PHTF2: variants seen among roughly 807,000 people sequenced by gnomAD.
PHTF2 encodes putative homeodomain transcription factor 2.
In PHTF2, 60 loss-of-function variants were observed where a neutral mutation model predicts 101.2. The ratio of observed to expected loss-of-function variants is 0.59; its 90% CI spans 0.48 to 0.73. The LOEUF is 0.73. Ranked by LOEUF, PHTF2 falls within the 30% of genes least tolerant of loss-of-function variation. PHTF2 has a pLI of 0.00. For missense variants in PHTF2, 747 were observed against 908.7 expected, an observed-to-expected ratio of 0.82 and a Z score of 2.29; for synonymous variants, 311 against 307.3, an observed-to-expected ratio of 1.01 and a Z score of -0.13.
chr7:77,947,005 A>G (rs141801728), intron 16 of PHTF2, among the ~76,000 whole-genome samples: 1 of 151,286 alleles, frequency 6.6e-6, no homozygotes, highest in East Asian at 2.0e-4. Context: ...CTGTGATCCC[A>G]GCTACTTGGG....
intron 11 of PHTF2, among the ~76,000 whole-genome samples, chr7:77,925,729 G>A (rs554504504): frequency 6.6e-6 from 1 of 152,010 alleles, no homozygotes; most frequent in South Asian, 2.1e-4. Flanking sequence ...TTATAGGCGT[G>A]AGCCACCACT....
intron 1 of PHTF2, among the ~76,000 whole-genome samples, chr7:77,812,734 C>T (rs1445122665): frequency 5.9e-5 from 9 of 151,984 alleles, no homozygotes; most frequent in Non-Finnish European, 1.0e-4. Context: ...GGACTACAGG[C>T]GCACGCCACC....
At chr7:77,893,149 G>A (rs1312414772) in intron 3 of PHTF2, among the ~76,000 whole-genome samples, 1 of 152,068 alleles carries the variant, frequency 6.6e-6, no homozygotes, top group Non-Finnish European at 1.5e-5. Context: ...TTGTTATATA[G>A]GTAAACTCAT....
At chr7:77,808,686 C>G (rs139692060) in intron 1 of PHTF2, among the ~76,000 whole-genome samples, 143 of 152,290 alleles carry the variant, frequency 9.4e-4, no homozygotes, top group Non-Finnish European at 1.7e-3. Context: ...ATACTTTGCT[C>G]TAGTAATTCT....
At chr7:77,920,034 G>C (rs1178107655) in intron 9 of PHTF2, among the ~76,000 whole-genome samples, 1 of 152,120 alleles carries the variant, frequency 6.6e-6, no homozygotes, top group African/African-American at 2.4e-5. Flanking sequence ...TTTTTGATAA[G>C]TTAGGGCATG....
intron 1 of PHTF2, among the ~76,000 whole-genome samples, chr7:77,837,941 G>A (rs185647899): frequency 1.4e-4 from 21 of 152,178 alleles, no homozygotes; most frequent in Admixed American, 1.2e-3. Flanking sequence ...TTAGGAAAGA[G>A]GATCTTTATT....
At chr7:77,916,733 C>T (rs1022341004) in intron 9 of PHTF2, among the ~76,000 whole-genome samples, 6 of 152,106 alleles carry the variant, frequency 3.9e-5, no homozygotes, top group African/African-American at 1.4e-4. Flanking sequence ...CATGCATATC[C>T]TCTCATTTAC....
chr7:77,863,914 C>G (rs1383644350), intron 3 of PHTF2, among the ~76,000 whole-genome samples: 1 of 151,662 alleles, frequency 6.6e-6, no homozygotes, highest in Non-Finnish European at 1.5e-5. Flanking sequence ...TAGCTGGGGA[C>G]TACAGGAGTG....
chr7:77,811,722 G>T (rs963668598), intron 1 of PHTF2, among the ~76,000 whole-genome samples: 58 of 151,994 alleles, frequency 3.8e-4, no homozygotes, highest in African/African-American at 1.3e-3. Flanking sequence ...TACTATCTCT[G>T]TGCCAGCCCT....
chr7:77,848,390 G>C (rs1284521623), intron 2 of PHTF2, among the ~76,000 whole-genome samples: 1 of 152,126 alleles, frequency 6.6e-6, no homozygotes, highest in Non-Finnish European at 1.5e-5. Context: ...GTCTTCTGGA[G>C]AAAAGCCATT....
rs117976520 is a variant in PHTF2, at chr7:77,930,346, C to G, written c.1338+1019C>G. Reference sequence around the variant, plus strand: ...TTATAGGATATCTTTATTTGAATGTCCCACCAATACCTCAAATTTAACCAG... The same window carrying G: ...TTATAGGATATCTTTATTTGAATGTGCCACCAATACCTCAAATTTAACCAG... On this transcript the variant is annotated intron_variant, in intron 12 of 19. Transcript: ENST00000416283. Among the ~76,000 whole-genome samples the G allele has an allele frequency of 1.4e-4, 22 of 152,228 alleles. No individual in the cohort carries two copies. The East Asian group carries it at 4.2e-3, about 29-fold the overall frequency.
intron 3 of PHTF2, among the ~76,000 whole-genome samples, chr7:77,892,630 A>G (rs2960455): frequency 0.26 from 38,934 of 152,116 alleles, 5,128 homozygotes; most frequent in South Asian, 0.29. Flanking sequence ...TCACAGTTAT[A>G]TGGTGTTGAC....
Position 77,940,648 on chromosome 7 carries a change from TC to T in PHTF2, c.1863del (p.Tyr622IlefsTer13). 1 of 1,603,630 alleles carries T rather than the reference TC, an allele frequency of 6.2e-7. No individual in the cohort carries two copies. The highest frequency in any genetic ancestry group is 8.5e-7 in the Non-Finnish European group (1 of 1,173,222). ...TATAAAAATGTGGCTATCTCTCCGTTCCTATCTTAAGGTAGAATGGGAGTGA... is the reference window on the plus strand; with the variant it reads ...TATAAAAATGTGGCTATCTCTCCGTTCTATCTTAAGGTAGAATGGGAGTGA... On this transcript the variant is annotated frameshift_variant, in exon 15 of 20. Transcript: ENST00000416283. LOFTEE classifies it high-confidence loss of function.
At chr7:77,822,841 T>A (rs1453704745) in intron 1 of PHTF2, among the ~76,000 whole-genome samples, 1 of 152,056 alleles carries the variant, frequency 6.6e-6, no homozygotes, top group African/African-American at 2.4e-5. Context: ...GGGGGATGAG[T>A]GCTGGGTGTC....
chr7:77,914,458 A>C (rs966113613), intron 9 of PHTF2, among the ~76,000 whole-genome samples: 3 of 152,204 alleles, frequency 2.0e-5, no homozygotes, highest in Admixed American at 1.3e-4. Flanking sequence ...GAGAGCGGCA[A>C]CCTTATGATG....
rs181201314 is a variant in PHTF2 at position 77,889,205 on chromosome 7, A to G, written c.148-4403A>G. 1.8e-3 allele frequency among the ~76,000 whole-genome samples: 277 copies of G among 152,224 alleles called. 4 individuals carry two copies. Among genetic ancestry groups the G allele is most frequent in the East Asian group, 2.9e-3 (15 of 5,168 alleles). On this transcript the variant is annotated intron_variant, in intron 3 of 19. Coordinates refer to ENST00000416283, the Ensembl canonical transcript of PHTF2. ...TAGAATTATGTTTCATTCAGGGAAGAGCTTGACTCCAGCCACAGGGGGTCT... is the reference window on the plus strand; with the variant it reads ...TAGAATTATGTTTCATTCAGGGAAGGGCTTGACTCCAGCCACAGGGGGTCT...
intron 16 of PHTF2, among the ~76,000 whole-genome samples, chr7:77,948,442 A>T (rs11984003): frequency 0.091 from 13,640 of 150,546 alleles, 780 homozygotes; most frequent in South Asian, 0.18. Context: ...AATATGAAAA[A>T]ATTTTTAATA....
intron 3 of PHTF2, among the ~76,000 whole-genome samples, chr7:77,857,635 C>A (rs534630542): frequency 6.6e-6 from 1 of 152,106 alleles, no homozygotes; most frequent in African/African-American, 2.4e-5. Context: ...AAAAACCTTC[C>A]GTCACAACCA....
chr7:77,834,650 T>TA (rs2150561946), intron 1 of PHTF2, among the ~76,000 whole-genome samples: 1 of 152,298 alleles, frequency 6.6e-6, no homozygotes, highest in South Asian at 2.1e-4. Context: ...AATATCTGGC[T>TA]AGATGGCACT....
Sources: allele counts gnomAD v4.1 joint callset (sites outside exome capture counted in the v4.1 genomes callset), GRCh38; gene constraint gnomAD v4.1.1; transcripts MANE v1.5; gene names NCBI Gene and HGNC (gene_info 2026-07-23, HGNC 2026-07-21).